Variants in KCNQ3 observed in about 807,000 individuals in gnomAD.
KCNQ3 encodes the protein potassium voltage-gated channel subfamily Q member 3.
Under a neutral mutation model 92.5 loss-of-function variants are expected in KCNQ3, and 30 were observed. The observed-to-expected ratio is 0.32, with a 90% CI of 0.24 to 0.44. The LOEUF (loss-of-function observed/expected upper bound fraction) is 0.44. Among genes scored for constraint, KCNQ3 ranks in the 20% least tolerant of loss-of-function variants. KCNQ3 has a pLI of 1.00. For missense variants in KCNQ3, 913 were observed against 1,140.3 expected (o/e 0.80, Z 2.87); for synonymous variants, 450 against 468.8 (o/e 0.96, Z 0.52).
At chr8:132,252,638 CTGCTGATTGGTCCATTTTACAGAG>C (rs1815451254) in intron 1 of KCNQ3, among the ~76,000 whole-genome samples, 1 of 152,176 alleles carries the variant, frequency 6.6e-6, no homozygotes, top group Admixed American at 6.5e-5. Context: ...CACCTACATC[CTGCTGATTGGTCCATTTTACAGAG>C]TGCTGATTGG....
intron 1 of KCNQ3, among the ~76,000 whole-genome samples, chr8:132,387,494 G>C (rs1486204329): frequency 6.6e-6 from 1 of 152,062 alleles, no homozygotes; most frequent in Non-Finnish European, 1.5e-5. Context: ...TAAAGGAAAG[G>C]CTTTAAGAAG....
At chr8:132,400,064 A>G (rs1183333371) in intron 1 of KCNQ3, among the ~76,000 whole-genome samples, 2 of 152,226 alleles carry the variant, frequency 1.3e-5, no homozygotes, top group Admixed American at 1.3e-4. Flanking sequence ...TCCTGGAAGC[A>G]AAGACACCTA....
chr8:132,462,833 TTAC>T (rs1203707327), intron 1 of KCNQ3, among the ~76,000 whole-genome samples: 1 of 152,214 alleles, frequency 6.6e-6, no homozygotes, highest in Non-Finnish European at 1.5e-5. Flanking sequence ...GAAAGAATGA[TTAC>T]CATTGTTATT....
At chr8:132,394,649 T>TA (rs371203591) in intron 1 of KCNQ3, among the ~76,000 whole-genome samples, 4 of 152,256 alleles carry the variant, frequency 2.6e-5, no homozygotes, top group South Asian at 2.1e-4. Context: ...ACACACTGGT[T>TA]ATTATCAATG....
At chr8:132,216,292 C>T (rs1009691889) in intron 1 of KCNQ3, among the ~76,000 whole-genome samples, 7 of 152,296 alleles carry the variant, frequency 4.6e-5, no homozygotes, top group African/African-American at 1.7e-4. Flanking sequence ...GTGCTACATG[C>T]GCAAGTGTTT....
At chr8:132,269,185 T>C (rs1245300139) in intron 1 of KCNQ3, among the ~76,000 whole-genome samples, 1 of 152,218 alleles carries the variant, frequency 6.6e-6, no homozygotes. Context: ...CTTGACAGTG[T>C]CTTTCTCAGA....
chr8:132,434,241 A>T (rs1201783326), intron 1 of KCNQ3, among the ~76,000 whole-genome samples: 1 of 151,386 alleles, frequency 6.6e-6, no homozygotes, highest in Non-Finnish European at 1.5e-5. Context: ...TAATAATAAT[A>T]AACAAATATT....
chr8:132,392,826 A>G (rs981184933), intron 1 of KCNQ3, among the ~76,000 whole-genome samples: 3 of 150,496 alleles, frequency 2.0e-5, no homozygotes, highest in Admixed American at 1.3e-4. Context: ...ACGACAAAAA[A>G]CTGCAACATT....
chr8:132,298,884 G>C (rs1385266148), intron 1 of KCNQ3, among the ~76,000 whole-genome samples: 2 of 152,006 alleles, frequency 1.3e-5, no homozygotes, highest in African/African-American at 4.8e-5. Context: ...CTCCAGTCTG[G>C]GCGACAAGAG....
intron 1 of KCNQ3, among the ~76,000 whole-genome samples, chr8:132,303,578 ATGGTGTG>A (rs1817296984): frequency 1.3e-4 from 5 of 38,736 alleles, no homozygotes; most frequent in South Asian, 9.5e-4. Context: ...ATATATATAT[ATGGTGTG>A]TGTGTATATA....
chr8:132,152,957 C>T (rs1825683810), intron 9 of KCNQ3, among the ~76,000 whole-genome samples: 1 of 152,194 alleles, frequency 6.6e-6, no homozygotes, highest in Non-Finnish European at 1.5e-5. Context: ...TTGCAAACAA[C>T]TCTATCCCAT....
At chr8:132,178,823 T>G (rs2130149724) in intron 4 of KCNQ3, among the ~76,000 whole-genome samples, 1 of 151,796 alleles carries the variant, frequency 6.6e-6, no homozygotes, top group Non-Finnish European at 1.5e-5. Flanking sequence ...CTCCTTAATG[T>G]CAAATTGCCC....
intron 1 of KCNQ3, among the ~76,000 whole-genome samples, chr8:132,419,100 A>G (rs1170468429): frequency 6.6e-6 from 1 of 152,202 alleles, no homozygotes; most frequent in African/African-American, 2.4e-5. Flanking sequence ...ATCCATCTAA[A>G]AAGGTCAATA....
chr8:132,385,572 G>A lies in KCNQ3; in HGVS notation c.386+94575C>T, dbSNP rs916798342. On this transcript the variant is annotated intron_variant, in intron 1 of 14. Coordinates refer to ENST00000388996, the MANE Select transcript of KCNQ3 (RefSeq NM_004519.4). The stretch of plus-strand genomic sequence containing the variant: ...TTGAGAGTGGGCTTGTTATAAAAGT[G>A]AGTTCTACCCCTTCTGCTCTCTCAC... Among the ~76,000 whole-genome samples, 11 of 152,162 alleles carry A rather than the reference G, an allele frequency of 7.2e-5. No individual in the cohort carries two copies. The East Asian group carries it at 2.1e-3, about 29-fold the overall frequency.
Position 132,129,416 on chromosome 8 carries a change from C to A in KCNQ3, c.2465G>T (p.Gly822Val), listed in dbSNP as rs1563761301. The A allele has an allele frequency of 1.9e-6, 3 of 1,614,218 alleles. No individual in the cohort carries two copies. Among genetic ancestry groups the A allele is most frequent in the East Asian group, 2.2e-5 (1 of 44,856 alleles). ...CTTCTCCCTCATCCAGCTCGACCCC[C>A]CATTGGGGCCGAACACATAATCATC... ...DRDDYVFGPNGGSSWMREKRY... is the reference protein window; with the variant it reads ...DRDDYVFGPNVGSSWMREKRY... The change falls in exon 15 of 15, where the codon GGG becomes GTG. Residue 822 changes from glycine (G) to valine (V), a missense_variant. Gly to Val is a moderately radical substitution (Grantham distance 109). This residue lies in a region of KCNQ3 where 375 missense variants were observed against 376.4 expected (regional missense o/e 1.00). Transcript: ENST00000388996. This position sits in a 1 kb window ranked among gnomAD's most constrained non-coding sequence, Gnocchi z 5.9.
intron 1 of KCNQ3, among the ~76,000 whole-genome samples, chr8:132,462,259 C>T (rs189690944): frequency 2.8e-4 from 42 of 151,978 alleles, no homozygotes; most frequent in Admixed American, 7.9e-4. Flanking sequence ...AGTGCAGTGG[C>T]GCTATCTCGG....
At chr8:132,365,700 A>T (rs926668522) in intron 1 of KCNQ3, among the ~76,000 whole-genome samples, 1 of 152,234 alleles carries the variant, frequency 6.6e-6, no homozygotes, top group South Asian at 2.1e-4. Flanking sequence ...GAACAAAATA[A>T]GTATTTGATG....
chr8:132,276,399 A>G (rs10956651), intron 1 of KCNQ3, among the ~76,000 whole-genome samples: 67,233 of 151,818 alleles, frequency 0.44, 16,768 homozygotes, highest in East Asian at 0.69. Context: ...CCACAGAAAC[A>G]TCCAGGGCAG....
At chr8:132,329,283 GC>G (rs1818160433) in intron 1 of KCNQ3, among the ~76,000 whole-genome samples, 1 of 152,094 alleles carries the variant, frequency 6.6e-6, no homozygotes, top group Non-Finnish European at 1.5e-5. Context: ...GTGCTGTTCA[GC>G]CCCCACTCAC....
Sources: gnomAD v4.1 joint callset for allele counts (sites outside exome capture counted in the v4.1 genomes callset) on GRCh38, gnomAD v4.1.1 for gene constraint, gnomAD v4.1.1 regional missense constraint, Gnocchi (gnomAD v3.1) non-coding constraint, MANE v1.5 for transcripts, NCBI Gene and HGNC (gene_info 2026-07-23, HGNC 2026-07-21) for gene names.